Variants in RAPGEF4 observed in about 807,000 individuals in gnomAD.
RAPGEF4 encodes RAP guanine-nucleotide-exchange factor (GEF) 4.
RAPGEF4 carries 66 observed loss-of-function variants against 147.9 expected under a neutral mutation model. The observed-to-expected ratio is 0.45, with a 90% CI of 0.37 to 0.55. The LOEUF is 0.55. RAPGEF4 is among the 20% of genes least tolerant of loss of function. RAPGEF4 has a pLI of 0.00. For missense variants in RAPGEF4, 1,071 were observed against 1,257.3 expected, an observed-to-expected ratio of 0.85 and a Z score of 2.24; for synonymous variants, 419 against 442.7, an observed-to-expected ratio of 0.95 and a Z score of 0.67.
At chr2:172,876,722 T>C (rs1226722563) in intron 4 of RAPGEF4, among the ~76,000 whole-genome samples, 1 of 152,194 alleles carries the variant, frequency 6.6e-6, no homozygotes, top group African/African-American at 2.4e-5. Context: ...TGTTTTGTTG[T>C]GTCTCTGCCG....
At chr2:172,991,685 T>A (rs1692853296) in intron 15 of RAPGEF4, among the ~76,000 whole-genome samples, 1 of 152,190 alleles carries the variant, frequency 6.6e-6, no homozygotes, top group South Asian at 2.1e-4. Flanking sequence ...AAACACCAAT[T>A]CTGTAGCTAA....
At chr2:172,830,488 C>G (rs1019432077) in intron 4 of RAPGEF4, among the ~76,000 whole-genome samples, 5 of 152,184 alleles carry the variant, frequency 3.3e-5, no homozygotes, top group Admixed American at 6.5e-5. Context: ...CCATATCTCC[C>G]CAAAACTGTC....
intron 4 of RAPGEF4, among the ~76,000 whole-genome samples, chr2:172,898,613 C>T (rs575733441): frequency 8.5e-5 from 13 of 152,264 alleles, no homozygotes; most frequent in East Asian, 5.8e-4. Flanking sequence ...TGCTCACTTG[C>T]ACCTGGAGGA....
intron 1 of RAPGEF4, among the ~76,000 whole-genome samples, chr2:172,755,211 C>T (rs1040684803): frequency 1.3e-5 from 2 of 152,130 alleles, no homozygotes; most frequent in African/African-American, 4.8e-5. Context: ...TGGCCCCATA[C>T]AGAAACTCTT....
chr2:172,997,764 C>G (rs149405017), intron 16 of RAPGEF4, among the ~76,000 whole-genome samples: 1 of 152,124 alleles, frequency 6.6e-6, no homozygotes, highest in Non-Finnish European at 1.5e-5. Flanking sequence ...AGAGATTTAT[C>G]TCAAAAACTT....
At chr2:173,048,568 T>C in intron 29 of RAPGEF4, 32 bp from the exon 30 acceptor site, 1 of 1,613,878 alleles carries the variant, frequency 6.2e-7, no homozygotes, top group African/African-American at 1.3e-5. Flanking sequence ...TTACTTGAAT[T>C]TCTATCTTTC....
intron 1 of RAPGEF4, among the ~76,000 whole-genome samples, chr2:172,788,968 A>G (rs1685529077): frequency 6.6e-6 from 1 of 152,204 alleles, no homozygotes; most frequent in Admixed American, 6.5e-5. Flanking sequence ...ACCTCTTTGA[A>G]GCTCACATCA....
chr2:172,988,826 A>G lies in RAPGEF4; in HGVS notation c.1361A>G (p.Asn454Ser), dbSNP rs765931581. Residue 454 changes from asparagine to serine, a missense_variant, in exon 14 of 31, where the codon AAC becomes AGC. Coordinates refer to ENST00000397081, the MANE Select transcript of RAPGEF4 (RefSeq NM_007023.4). ...TTAAGAGTAGACAAGGAGGATTTCAACCGGATCCTAAGGGTGAGTCCAAAG... is the reference window on the plus strand; with the variant it reads ...TTAAGAGTAGACAAGGAGGATTTCAGCCGGATCCTAAGGGTGAGTCCAAAG... The part of the protein sequence containing the change: ...HFLRVDKEDF[N>S]RILRDVEANT... 1 of 1,613,852 alleles carries G rather than the reference A, an allele frequency of 6.2e-7. No homozygotes were observed. The highest frequency in any genetic ancestry group is 1.1e-5 in the South Asian group (1 of 91,082).
chr2:172,908,729 G>A (rs1156654794), intron 4 of RAPGEF4, among the ~76,000 whole-genome samples: 2 of 152,106 alleles, frequency 1.3e-5, no homozygotes, highest in African/African-American at 4.8e-5. Context: ...TGATCATTGG[G>A]GCTGAAGGCC....
At chr2:173,034,306 G>A (rs1456865315) in intron 27 of RAPGEF4, among the ~76,000 whole-genome samples, 1 of 152,160 alleles carries the variant, frequency 6.6e-6, no homozygotes, top group Non-Finnish European at 1.5e-5. Flanking sequence ...GGAGGTGTTA[G>A]ACAGAAAAGG....
chr2:172,814,236 T>G (rs543306173), intron 3 of RAPGEF4, 43 bp from the exon 4 acceptor site: 8 of 1,601,748 alleles, frequency 5.0e-6, no homozygotes, highest in Non-Finnish European at 6.8e-6. Context: ...ACCTACCCAT[T>G]AGATGTTTAA....
intron 4 of RAPGEF4, among the ~76,000 whole-genome samples, chr2:172,817,130 G>A (rs1364352320): frequency 6.6e-6 from 1 of 152,104 alleles, no homozygotes; most frequent in Non-Finnish European, 1.5e-5. Flanking sequence ...TCTCCTATGT[G>A]TTAGGTATAT....
chr2:173,024,848 A>G (rs774094801), intron 23 of RAPGEF4, among the ~76,000 whole-genome samples: 29 of 152,316 alleles, frequency 1.9e-4, no homozygotes, highest in South Asian at 6.2e-4. Context: ...CACACTGTCC[A>G]TGGGGACCCC....
intron 1 of RAPGEF4, chr2:172,744,368 T>C (rs2149425883): frequency 2.2e-6 from 1 of 456,102 alleles, no homozygotes; most frequent in Non-Finnish European, 4.4e-6. Flanking sequence ...TTTTGAATCT[T>C]TGTTTTCACA....
chr2:172,942,207 C>T (rs1214184044), intron 6 of RAPGEF4, among the ~76,000 whole-genome samples: 1 of 143,478 alleles, frequency 7.0e-6, no homozygotes, highest in Admixed American at 6.9e-5. Flanking sequence ...CAGTTTTTGC[C>T]TTTAAAAGTA....
At chr2:172,979,179 T>C (rs1020813501) in intron 10 of RAPGEF4, among the ~76,000 whole-genome samples, 5 of 152,236 alleles carry the variant, frequency 3.3e-5, no homozygotes, top group African/African-American at 1.2e-4. Context: ...ATGAAATAAA[T>C]GTGTCCTGTA....
intron 17 of RAPGEF4, among the ~76,000 whole-genome samples, chr2:173,010,404 G>C (rs1167392193): frequency 6.6e-6 from 1 of 152,184 alleles, no homozygotes; most frequent in African/African-American, 2.4e-5. Flanking sequence ...GGACCCAACT[G>C]TCATATCATG....
intron 1 of RAPGEF4, among the ~76,000 whole-genome samples, chr2:172,753,562 G>C (rs531321872): frequency 5.9e-4 from 89 of 151,768 alleles, no homozygotes; most frequent in African/African-American, 2.0e-3. Flanking sequence ...TTTATGTACT[G>C]AATTATATTT....
At chr2:172,991,211 C>T (rs745688556) in intron 15 of RAPGEF4, among the ~76,000 whole-genome samples, 6 of 152,044 alleles carry the variant, frequency 3.9e-5, no homozygotes, top group South Asian at 2.1e-4. Flanking sequence ...GAACAGAAGG[C>T]GTGTGAGAGA....
Sources: allele counts gnomAD v4.1 joint callset (sites outside exome capture counted in the v4.1 genomes callset), GRCh38; gene constraint gnomAD v4.1.1; transcripts MANE v1.5; gene names NCBI Gene and HGNC (gene_info 2026-07-23, HGNC 2026-07-21).